The following IGF2BP1 variants were observed in gnomAD, a reference collection of about 807,000 sequenced individuals.
The protein encoded by IGF2BP1 is insulin-like growth factor 2 mRNA-binding protein 1.
In IGF2BP1, 11 loss-of-function variants were observed where a neutral mutation model predicts 74.9. The observed-to-expected ratio is 0.15, with a 90% CI of 0.09 to 0.24. The LOEUF (loss-of-function observed/expected upper bound fraction) is 0.24. IGF2BP1 is among the 10% of genes least tolerant of loss of function. IGF2BP1 has a pLI of 1.00. For synonymous variants in IGF2BP1, 287 were observed against 281.8 expected (o/e 1.02, Z -0.18); for missense variants, 440 against 757.4 (o/e 0.58, Z 4.92).
chr17:49,002,227 C>T (rs2041495859), intron 2 of IGF2BP1, among the ~76,000 whole-genome samples: 2 of 152,048 alleles, frequency 1.3e-5, no homozygotes, highest in African/African-American at 4.8e-5. Context: ...AAATTGAGAA[C>T]TCCCAAAAGA....
chr17:49,020,781 T>C (rs2041782245), intron 2 of IGF2BP1, among the ~76,000 whole-genome samples: 1 of 152,062 alleles, frequency 6.6e-6, no homozygotes, highest in South Asian at 2.1e-4. Flanking sequence ...CCATAGTTAG[T>C]TGAAAAGTGA....
intron 2 of IGF2BP1, among the ~76,000 whole-genome samples, chr17:48,999,404 C>T (rs1363608547): frequency 6.6e-6 from 1 of 151,766 alleles, no homozygotes; most frequent in African/African-American, 2.4e-5. Flanking sequence ...AAAGATGTTA[C>T]TTGCAGAATT....
At position 49,053,483 on chromosome 17, in the gene IGF2BP1, G is replaced by A. The variant is rs187997705; in HGVS notation, c.*4039G>A. ...TAGGGAGCCGAGAAATTGGTCTGTC[G>A]GCTCCTGGTTGCACTTTGGGGAAGG... On this transcript the variant is annotated 3_prime_UTR_variant, in exon 15 of 15. Transcript: ENST00000290341. 3 of 153,070 alleles carry A rather than the reference G, an allele frequency of 2.0e-5. No individual in the cohort carries two copies. The highest frequency in any genetic ancestry group is 3.9e-4 in the East Asian group (2 of 5,186). The allele number at this position is 153,070 out of a possible 1,614,324, so 9.5% of individuals were successfully genotyped here.
chr17:49,046,853 C>A (rs2042113557), intron 14 of IGF2BP1, among the ~76,000 whole-genome samples: 1 of 152,104 alleles, frequency 6.6e-6, no homozygotes, highest in Non-Finnish European at 1.5e-5. Context: ...TGCTCTTCCA[C>A]CCTCCCATTC....
At chr17:49,030,400 C>T (rs972402370) in intron 4 of IGF2BP1, among the ~76,000 whole-genome samples, 11 of 152,268 alleles carry the variant, frequency 7.2e-5, no homozygotes, top group Admixed American at 2.0e-4. Context: ...CCTCAGCCTC[C>T]TGAAGTGCTG....
intron 2 of IGF2BP1, among the ~76,000 whole-genome samples, chr17:49,006,498 T>C (rs192919673): frequency 1.3e-5 from 2 of 152,192 alleles, no homozygotes; most frequent in East Asian, 3.8e-4. Flanking sequence ...ATTATTTTGT[T>C]GTAGATATTG....
At chr17:49,037,267 G>A (rs1471474221) in intron 5 of IGF2BP1, 1 of 443,348 alleles carries the variant, frequency 2.3e-6, no homozygotes, top group Non-Finnish European at 4.3e-6. Flanking sequence ...CTTACGGTAG[G>A]AAAATGCTGG....
intron 4 of IGF2BP1, 110 bp from the exon 5 acceptor site, chr17:49,031,800 G>A: frequency 2.0e-6 from 2 of 976,616 alleles, no homozygotes; most frequent in Non-Finnish European, 3.2e-6. Context: ...ACCGTGTCTG[G>A]CCTGCCAGAT....
intron 14 of IGF2BP1, among the ~76,000 whole-genome samples, chr17:49,047,451 A>C (rs1334183232): frequency 2.0e-5 from 3 of 152,062 alleles, no homozygotes; most frequent in East Asian, 3.8e-4. Context: ...TAACTCATTT[A>C]ATTCCCACAA....
intron 2 of IGF2BP1, among the ~76,000 whole-genome samples, chr17:49,000,061 T>C (rs2041468790): frequency 6.6e-6 from 1 of 152,000 alleles, no homozygotes; most frequent in Admixed American, 6.6e-5. Flanking sequence ...AAATCTTGCA[T>C]TGAACTCTGA....
chr17:48,997,242 A>T (rs1453548876), upstream of IGF2BP1, among the ~76,000 whole-genome samples: 1 of 150,658 alleles, frequency 6.6e-6, no homozygotes, highest in Admixed American at 6.6e-5. This position sits in a 1 kb window ranked among gnomAD's most constrained non-coding sequence, Gnocchi z 4.8. Context: ...CCCGGGGGTG[A>T]GTTGAGTTCC....
chr17:49,016,493 C>G (rs1416832987), intron 2 of IGF2BP1, among the ~76,000 whole-genome samples: 2 of 152,154 alleles, frequency 1.3e-5, no homozygotes, highest in Non-Finnish European at 2.9e-5. Flanking sequence ...GAAGAGCCCT[C>G]CAGAGGAGTG....
At chr17:49,011,133 G>T (rs2041612191) in intron 2 of IGF2BP1, among the ~76,000 whole-genome samples, 1 of 55,622 alleles carries the variant, frequency 1.8e-5, no homozygotes. Context: ...GTGAGACTCT[G>T]TCTCAAAAAA....
chr17:49,038,514 G>A (rs1337350349), intron 6 of IGF2BP1, 65 bp downstream of exon 6: 4 of 1,387,956 alleles, frequency 2.9e-6, no homozygotes, highest in South Asian at 1.7e-5. Context: ...ACCTAAAGAG[G>A]CCTCCTGGAA....
At chr17:49,038,075 A>C in intron 5 of IGF2BP1, 93 bp from the exon 6 acceptor site, 1 of 1,185,718 alleles carries the variant, frequency 8.4e-7, no homozygotes. Context: ...AGTGTGTTCC[A>C]AGCTGTAACT....
In IGF2BP1 at chr17:49,049,555, C is replaced by T; in HGVS notation, c.*111C>T. On this transcript the variant is annotated 3_prime_UTR_variant, in exon 15 of 15. Coordinates refer to ENST00000290341, the MANE Select transcript of IGF2BP1 (RefSeq NM_006546.4). ...GGGAATCCGGGACACCTGGGCCGGG[C>T]TGTAGATCAGGTTTGCCCACTTGAT... 2.3e-6 allele frequency: 2 copies of T among 858,300 alleles called. No individual in the cohort carries two copies. Among genetic ancestry groups the T allele is most frequent in the South Asian group, 1.6e-5 (1 of 62,404 alleles). 53.2% of individuals were successfully genotyped at this position (858,300 alleles called of 1,614,324 possible). A position where few individuals can be genotyped will look rare whatever the true frequency, so the allele number is the denominator to read the frequency against.
intron 2 of IGF2BP1, among the ~76,000 whole-genome samples, chr17:49,016,477 T>A (rs1749156308): frequency 6.6e-6 from 1 of 152,172 alleles, no homozygotes; most frequent in African/African-American, 2.4e-5. Context: ...CCCCTAAATA[T>A]GGGTAGAAGA....
At chr17:49,000,406 C>T (rs1287030381) in intron 2 of IGF2BP1, among the ~76,000 whole-genome samples, 1 of 152,108 alleles carries the variant, frequency 6.6e-6, no homozygotes, top group Non-Finnish European at 1.5e-5. Context: ...GTCTATAGAT[C>T]AATATGGCTT....
intron 2 of IGF2BP1, chr17:49,014,760 T>A: frequency 1.0e-6 from 1 of 985,222 alleles, no homozygotes; most frequent in Non-Finnish European, 1.2e-6. Context: ...TGCCCAGATG[T>A]TTGCCCATCG....
Sources: gnomAD v4.1 joint callset for allele counts (sites outside exome capture counted in the v4.1 genomes callset) on GRCh38, gnomAD v4.1.1 for gene constraint, Gnocchi (gnomAD v3.1) non-coding constraint, MANE v1.5 for transcripts, NCBI Gene and HGNC (gene_info 2026-07-23, HGNC 2026-07-21) for gene names.